Variants in PLAC9 observed in about 807,000 individuals in gnomAD.
PLAC9 encodes the protein placenta-specific protein 9.
Under a neutral mutation model 11.5 loss-of-function variants are expected in PLAC9, and 12 were observed. The ratio of observed to expected loss-of-function variants is 1.05; its 90% CI spans 0.67 to 1.69. The LOEUF is 1.69. PLAC9 is among the 40% of genes most tolerant of loss of function. PLAC9 has a pLI of 0.00. For synonymous variants in PLAC9, 62 were observed against 58.1 expected (o/e 1.07, Z -0.31); for missense variants, 132 against 130.5 (o/e 1.01, Z -0.06).
chr10:80,144,725 T>A (rs2132340026), intron 3 of PLAC9, among the ~76,000 whole-genome samples, 175 bp from the exon 4 acceptor site: 2 of 152,238 alleles, frequency 1.3e-5, no homozygotes, highest in Middle Eastern at 3.4e-3. Flanking sequence ...AAGACGGGCG[T>A]CCCCACTGAT....
At position 80,136,956 on chromosome 10, in the gene PLAC9, T is replaced by C. The variant is rs114532961; in HGVS notation, c.64+4130T>C. On this transcript the variant is annotated intron_variant, in intron 1 of 3. Coordinates refer to ENST00000372263, the MANE Select transcript of PLAC9 (RefSeq NM_001012973.3). ...CAGAGGCTCAGGGAGCAGAAGAAAC[T>C]TTCTCACAATCCCACAATCATTAGT... Among the ~76,000 whole-genome samples the C allele has an allele frequency of 1.3e-3, 199 of 152,328 alleles. 1 individual carries two copies. Among genetic ancestry groups the C allele is most frequent in the African/African-American group, 4.7e-3 (195 of 41,590 alleles).
intron 2 of PLAC9, among the ~76,000 whole-genome samples, chr10:80,143,084 G>C (rs561256937): frequency 1.3e-5 from 2 of 151,728 alleles, no homozygotes; most frequent in African/African-American, 4.8e-5. Context: ...CTGTCACCCA[G>C]GCTGGAGCCC....
At chr10:80,143,815 G>C (rs539625070) in intron 2 of PLAC9, among the ~76,000 whole-genome samples, 15 of 152,264 alleles carry the variant, frequency 9.9e-5, no homozygotes, top group African/African-American at 3.6e-4. Flanking sequence ...ACTGCCAATG[G>C]GGTCCATGGC....
intron 1 of PLAC9, among the ~76,000 whole-genome samples, chr10:80,137,580 A>G (rs1001668646): frequency 6.6e-6 from 1 of 152,196 alleles, no homozygotes; most frequent in Non-Finnish European, 1.5e-5. Flanking sequence ...TTCCTCTCCA[A>G]GCTGAGCAGC....
chr10:80,139,430 T>G (rs1845015649), intron 1 of PLAC9, among the ~76,000 whole-genome samples: 1 of 152,184 alleles, frequency 6.6e-6, no homozygotes, highest in Admixed American at 6.5e-5. Context: ...CCTTGGCCCC[T>G]TGCCTCCACC....
intron 1 of PLAC9, among the ~76,000 whole-genome samples, chr10:80,139,910 T>C (rs1845020711): frequency 6.6e-6 from 1 of 152,154 alleles, no homozygotes; most frequent in South Asian, 2.1e-4. Context: ...TATTTTAATG[T>C]CTGTGTTTAG....
intron 1 of PLAC9, among the ~76,000 whole-genome samples, chr10:80,133,740 C>T (rs939992843): frequency 2.6e-5 from 4 of 152,130 alleles, no homozygotes; most frequent in African/African-American, 7.2e-5. Context: ...CTCAGGAGAT[C>T]AAGACCAGCC....
At position 80,132,849 on chromosome 10, in the gene PLAC9, C is replaced by G. The variant is rs767116463; in HGVS notation, c.64+23C>G. The G allele has an allele frequency of 5.4e-6, 8 of 1,481,328 alleles. No homozygotes were observed. The South Asian group carries it at 1.0e-4, about 19-fold the overall frequency. 91.8% of individuals were successfully genotyped at this position (1,481,328 alleles called of 1,614,324 possible). On this transcript the variant is annotated intron_variant, in intron 1 of 3. Transcript: ENST00000372263. ...CCGGTGAGTGGGGCGCAGGGCGCGG[C>G]AGGGGACCTGGAGCCGGGGAGACCC...
At chr10:80,132,858 T>C in intron 1 of PLAC9, 32 bp downstream of exon 1, 2 of 1,472,118 alleles carry the variant, frequency 1.4e-6, no homozygotes, top group Admixed American at 2.4e-5. Context: ...GCAGGGGACC[T>C]GGAGCCGGGG....
At chr10:80,143,532 G>A (rs12098727) in intron 2 of PLAC9, among the ~76,000 whole-genome samples, 1 of 150,810 alleles carries the variant, frequency 6.6e-6, no homozygotes, top group East Asian at 2.0e-4. Context: ...GAGTAGCTGA[G>A]ACTACAGACG....
intron 3 of PLAC9, 134 bp from the exon 4 acceptor site, chr10:80,144,766 T>G (rs1289302852): frequency 1.1e-6 from 1 of 912,342 alleles, no homozygotes; most frequent in African/African-American, 1.7e-5. Flanking sequence ...CTCTGCTCTC[T>G]CCTTGATCCT....
At chr10:80,143,964 C>G (rs1845070298) in intron 2 of PLAC9, 1 of 499,846 alleles carries the variant, frequency 2.0e-6, no homozygotes, top group African/African-American at 1.9e-5. Flanking sequence ...AGAAGGTATT[C>G]TACAGGCGCT....
intron 3 of PLAC9, 37 bp downstream of exon 3, chr10:80,144,380 G>A (rs1253042663): frequency 1.9e-6 from 3 of 1,549,814 alleles, no homozygotes; most frequent in Admixed American, 2.0e-5. Context: ...GCCTCTGGGC[G>A]GCTGTCATCT....
intron 2 of PLAC9, chr10:80,143,953 G>A (rs34499346): frequency 0.032 from 14,968 of 462,318 alleles, 294 homozygotes; most frequent in Middle Eastern, 0.047. Flanking sequence ...GTCCAAAAGG[G>A]AGAAGGTATT....
chr10:80,132,168 A>T (rs12259913), upstream of PLAC9, among the ~76,000 whole-genome samples: 1,328 of 147,664 alleles, frequency 9.0e-3, 15 homozygotes, highest in African/African-American at 0.019. Context: ...TTTTCTTTTT[A>T]AAATTACCTT....
intron 3 of PLAC9, 111 bp from the exon 4 acceptor site, chr10:80,144,789 G>A (rs748501446): frequency 3.6e-6 from 4 of 1,099,816 alleles, no homozygotes. Flanking sequence ...TGTCCCGCGC[G>A]CAGTAGTTCC....
chr10:80,138,738 A>G (rs1022151057), intron 1 of PLAC9, among the ~76,000 whole-genome samples: 13 of 152,112 alleles, frequency 8.5e-5, no homozygotes, highest in Non-Finnish European at 1.5e-4. Flanking sequence ...GCTCTGTCCT[A>G]CCTCAAGACC....
At chr10:80,132,868 G>C in intron 1 of PLAC9, 42 bp downstream of exon 1, 1 of 1,439,248 alleles carries the variant, frequency 6.9e-7, no homozygotes, top group Non-Finnish European at 9.1e-7. Context: ...TGGAGCCGGG[G>C]AGACCCGCAG....
upstream of PLAC9, among the ~76,000 whole-genome samples, chr10:80,132,150 A>C (rs1475349112): frequency 6.7e-6 from 1 of 150,246 alleles, no homozygotes; most frequent in Non-Finnish European, 1.5e-5. Flanking sequence ...GAGAGTTACG[A>C]TTTTACCTTT....
Sources: allele counts gnomAD v4.1 joint callset (sites outside exome capture counted in the v4.1 genomes callset), GRCh38; gene constraint gnomAD v4.1.1; transcripts MANE v1.5; gene names NCBI Gene and HGNC (gene_info 2026-07-23, HGNC 2026-07-21).